Variants in PUM3 observed in about 807,000 individuals in gnomAD.
PUM3 encodes the protein pumilio RNA binding family member 3.
Under a neutral mutation model 84.0 loss-of-function variants are expected in PUM3, and 91 were observed. The observed-to-expected ratio is 1.08, with a 90% confidence interval of 0.91 to 1.29. The LOEUF is 1.29. Ranked by LOEUF, PUM3 falls within the 50% of genes most tolerant of loss-of-function variation. The probability of loss-of-function intolerance (pLI) is 0.00; values close to 1 mark genes in which losing one functional copy is unlikely to be tolerated. For synonymous variants in PUM3, 321 were observed against 266.7 expected (o/e 1.20, Z -1.98); for missense variants, 1,067 against 767.5 (o/e 1.39, Z -4.61).
intron 12 of PUM3, among the ~76,000 whole-genome samples, chr9:2,823,322 C>T (rs1465458463): frequency 6.6e-6 from 1 of 151,900 alleles, no homozygotes; most frequent in East Asian, 1.9e-4. Flanking sequence ...AACCACACTG[C>T]AAATTTATTC....
In PUM3 at chr9:2,804,191, T is replaced by A; in HGVS notation, c.*140A>T. ...CATTTAAAAAAACAATTTATATAAA[T>A]AGATTCGTATACAAAGAAGAAACAC... On this transcript the variant is annotated 3_prime_UTR_variant, in exon 18 of 18. Coordinates refer to ENST00000397885, the MANE Select transcript of PUM3 (RefSeq NM_014878.5). 1 of 747,360 alleles carries A rather than the reference T, an allele frequency of 1.3e-6. No individual in the cohort carries two copies. Among genetic ancestry groups the A allele is most frequent in the Non-Finnish European group, 2.0e-6 (1 of 495,464 alleles). 46.3% of individuals were successfully genotyped at this position (747,360 alleles called of 1,614,324 possible).
At position 2,828,765 on chromosome 9, in the gene PUM3, C is replaced by G. The variant is rs2173904; in HGVS notation, c.866G>C (p.Arg289Pro). The G allele has an allele frequency of 0.55, 872,070 of 1,576,500 alleles. 243,751 individuals carry two copies. Among genetic ancestry groups the G allele is most frequent in the Middle Eastern group, 0.63 (3,802 of 5,988 alleles). ...TACCTCTAACACTTTGTCCAGAGTT[C>G]GGTGATCTGCTGACTGCAACAAAAC... is the stretch of plus-strand genomic sequence containing the variant. ...TFQLYKSADH[R>P]TLDKVLEVQP... The change falls in exon 9 of 18, where the codon CGA becomes CCA. Residue 289 changes from arginine (R) to proline (P), a missense_variant. Arg to Pro is a moderately radical substitution (Grantham distance 103). Coordinates refer to ENST00000397885, the MANE Select transcript of PUM3 (RefSeq NM_014878.5).
At chr9:2,815,180 C>T (rs1194416549) in intron 13 of PUM3, among the ~76,000 whole-genome samples, 2 of 152,102 alleles carry the variant, frequency 1.3e-5, no homozygotes, top group Non-Finnish European at 2.9e-5. Context: ...TTATAAATAA[C>T]AATTTTACAA....
At chr9:2,820,188 G>A in intron 12 of PUM3, 90 bp from the exon 13 acceptor site, 1 of 521,634 alleles carries the variant, frequency 1.9e-6, no homozygotes, top group African/African-American at 2.0e-5. Context: ...TAAAGGTAGA[G>A]CGAGACTCCG....
intron 5 of PUM3, among the ~76,000 whole-genome samples, chr9:2,831,859 T>C (rs1200925005): frequency 6.6e-6 from 1 of 152,206 alleles, no homozygotes; most frequent in African/African-American, 2.4e-5. Context: ...AATAAGTTAA[T>C]CATCCATTTG....
At chr9:2,831,178 G>A (rs1411902280) in intron 6 of PUM3, 73 bp downstream of exon 6, 1 of 1,178,178 alleles carries the variant, frequency 8.5e-7, no homozygotes, top group East Asian at 2.3e-5. Flanking sequence ...TTCTAGGACA[G>A]TCTTGGGTAT....
intron 17 of PUM3, among the ~76,000 whole-genome samples, chr9:2,806,167 T>C (rs1821254774): frequency 6.6e-6 from 1 of 152,218 alleles, no homozygotes; most frequent in Admixed American, 6.5e-5. Context: ...TTTCATGGCA[T>C]TGCTGAAATT....
intron 5 of PUM3, among the ~76,000 whole-genome samples, chr9:2,832,924 T>C (rs369369174): frequency 5.3e-5 from 8 of 152,342 alleles, no homozygotes; most frequent in African/African-American, 1.7e-4. Context: ...GAAATGATTA[T>C]ATTTTAGTTA....
chr9:2,833,440 T>C lies in PUM3; in HGVS notation c.441-8A>G, dbSNP rs555330177. The stretch of plus-strand genomic sequence containing the variant: ...TCTTTGTCACAGTCTTTTCTACAAA[T>C]GAGGAGAGGAAGGAAACACAGTTGA... On this transcript the variant is annotated splice_polypyrimidine_tract_variant and splice_region_variant and intron_variant, in intron 4 of 17. Coordinates refer to ENST00000397885, the MANE Select transcript of PUM3 (RefSeq NM_014878.5). 90 of 1,492,672 alleles carry C rather than the reference T, an allele frequency of 6.0e-5. No homozygotes were observed. The East Asian group carries it at 2.0e-3, about 33-fold the overall frequency. The allele number at this position is 1,492,672 out of a possible 1,614,324, so 92.5% of individuals were successfully genotyped here.
chr9:2,834,851 G>C (rs191900613), intron 3 of PUM3, among the ~76,000 whole-genome samples: 4 of 151,888 alleles, frequency 2.6e-5, no homozygotes, highest in African/African-American at 7.2e-5. Flanking sequence ...CCACTTTTTT[G>C]TCTTCAAAAT....
At position 2,804,372 on chromosome 9, in the gene PUM3, T is replaced by A; in HGVS notation, c.1906A>T (p.Ser636Cys). Residue 636 changes from serine to cysteine, a missense_variant, in exon 18 of 18, where the codon AGC becomes TGC. Coordinates refer to ENST00000397885, the MANE Select transcript of PUM3 (RefSeq NM_014878.5). ...TCAAGTAGAATTTCTATTCCTTTGC[T>A]GGTGCTTTTGGTTTTTTCCAATGTA... is the stretch of plus-strand genomic sequence containing the variant. ...IPTLEKTKST[S>C]KGIEILLEKL... The A allele has an allele frequency of 6.2e-7, 1 of 1,614,002 alleles. No individual in the cohort carries two copies. Among genetic ancestry groups the A allele is most frequent in the Non-Finnish European group, 8.5e-7 (1 of 1,179,952 alleles).
At chr9:2,815,699 C>T (rs1278858042) in intron 13 of PUM3, among the ~76,000 whole-genome samples, 2 of 152,156 alleles carry the variant, frequency 1.3e-5, no homozygotes, top group Non-Finnish European at 2.9e-5. Context: ...TGTATAGCCT[C>T]CTTAACTATG....
At chr9:2,815,497 C>G (rs1395560201) in intron 13 of PUM3, among the ~76,000 whole-genome samples, 2 of 152,136 alleles carry the variant, frequency 1.3e-5, no homozygotes, top group Non-Finnish European at 2.9e-5. Context: ...TCTCCGGGGT[C>G]TTAAGTTCAA....
In PUM3 at chr9:2,819,928, G is replaced by C. The variant is rs776252660; in HGVS notation, c.1269+90C>G. The C allele has an allele frequency of 2.5e-4, 194 of 766,104 alleles. 1 individual carries two copies. Among genetic ancestry groups the C allele is most frequent in the Middle Eastern group, 1.5e-3 (6 of 4,132 alleles). 47.5% of individuals were successfully genotyped at this position (766,104 alleles called of 1,614,324 possible). A position where few individuals can be genotyped will look rare whatever the true frequency, so the allele number is the denominator to read the frequency against. On this transcript the variant is annotated intron_variant, in intron 13 of 17. Transcript: ENST00000397885. ...ATACTGATAGAAGGCACAGCTGCAA[G>C]TCTTTACACATGCATGGTGAAATCA...
intron 13 of PUM3, among the ~76,000 whole-genome samples, chr9:2,818,312 GA>G (rs1206614835): frequency 6.6e-6 from 1 of 152,222 alleles, no homozygotes; most frequent in East Asian, 1.9e-4. Context: ...CTAAGTATGA[GA>G]AAGTCGTTAA....
chr9:2,811,671 T>C, intron 14 of PUM3, 88 bp from the exon 15 acceptor site: 2 of 872,110 alleles, frequency 2.3e-6, no homozygotes, highest in Admixed American at 4.0e-5. Context: ...TAAGAGCTTA[T>C]CACAGACTGT....
rs1290491544 is a variant in PUM3, at chr9:2,809,212, C to A, written c.1723+1132G>T. 2.6e-5 allele frequency among the ~76,000 whole-genome samples: 4 copies of A among 152,114 alleles called. No individual in the cohort carries two copies. In the East Asian group the frequency reaches 7.7e-4, roughly 29 times the overall value. On this transcript the variant is annotated intron_variant, in intron 16 of 17. Transcript: ENST00000397885. ...TGGCTACTATCCAGTAAAAGAGAAT[C>A]AAAACAGCTAGACGTGCAGGAGGAC...
At chr9:2,819,867 C>A in intron 13 of PUM3, 151 bp downstream of exon 13, 1 of 481,794 alleles carries the variant, frequency 2.1e-6, no homozygotes, top group Non-Finnish European at 3.8e-6. Context: ...AACAAACCTC[C>A]AAAATAAAAC....
rs547183555 is a variant in PUM3 at position 2,819,964 on chromosome 9, T to C, written c.1269+54A>G. 1.0e-5 allele frequency: 12 copies of C among 1,193,582 alleles called. No individual in the cohort carries two copies. The South Asian group carries it at 1.5e-4, about 15-fold the overall frequency. 73.9% of individuals were successfully genotyped at this position (1,193,582 alleles called of 1,614,324 possible). Reference sequence around the variant, plus strand: ...TGCATGGTGAAATCAAGCTTACACATCCACAACTGGTTTATCGATGTAACT... The same window carrying C: ...TGCATGGTGAAATCAAGCTTACACACCCACAACTGGTTTATCGATGTAACT... On this transcript the variant is annotated intron_variant, in intron 13 of 17. Coordinates refer to ENST00000397885, the MANE Select transcript of PUM3 (RefSeq NM_014878.5).
Sources: gnomAD v4.1 joint callset for allele counts (sites outside exome capture counted in the v4.1 genomes callset) on GRCh38, gnomAD v4.1.1 for gene constraint, MANE v1.5 for transcripts, NCBI Gene and HGNC (gene_info 2026-07-23, HGNC 2026-07-21) for gene names.